Variants in POTEE observed in about 807,000 individuals in gnomAD.
POTEE encodes POTE ankyrin domain family member E.
A neutral mutation model predicts 74.2 loss-of-function variants in POTEE; 21 were observed. The observed-to-expected ratio is 0.28, with a 90% CI of 0.20 to 0.41. POTEE has a LOEUF of 0.41. Among genes scored for constraint, POTEE ranks in the 10% least tolerant of loss-of-function variants. The pLI, the probability that POTEE is intolerant of heterozygous loss-of-function variation, is 1.00. For missense variants in POTEE, 525 were observed against 1,158.6 expected (o/e 0.45, Z 7.94); for synonymous variants, 211 against 432.8 (o/e 0.49, Z 6.36).
intron 2 of POTEE, among the ~76,000 whole-genome samples, chr2:131,214,761 AGTGCTTTAAT>A (rs1288383459): frequency 6.6e-6 from 1 of 152,272 alleles, no homozygotes; most frequent in African/African-American, 2.4e-5. Context: ...AAGTTTTAGA[AGTGCTTTAAT>A]GTCATAAATT....
intron 9 of POTEE, among the ~76,000 whole-genome samples, chr2:131,233,900 G>A (rs1185796102): frequency 6.6e-6 from 1 of 150,504 alleles, no homozygotes; most frequent in Non-Finnish European, 1.5e-5. Context: ...AAATTTTCTG[G>A]TGAATACAGA....
In POTEE at chr2:131,263,941, C is replaced by A; in HGVS notation, c.2486C>A (p.Thr829Asn). 4.3e-6 allele frequency: 7 copies of A among 1,614,234 alleles called. No homozygotes were observed. Among genetic ancestry groups the A allele is most frequent in the Non-Finnish European group, 5.9e-6 (7 of 1,180,042 alleles). ...CAGATCATGTTTGAGACCTTCAACA[C>A]CCCAGCCATGTACGTGGCCATCCAG... ...MTQIMFETFN[T>N]PAMYVAIQAV... Residue 829 changes from threonine to asparagine, a missense_variant, in exon 18 of 18, where the codon ACC (threonine) becomes AAC (asparagine). By Grantham distance (65) the Thr-to-Asn change is moderately conservative. Coordinates refer to ENST00000683005, the MANE Select transcript of POTEE (RefSeq NM_001083538.3).
intron 9 of POTEE, among the ~76,000 whole-genome samples, chr2:131,233,236 T>C (rs140051807): frequency 6.6e-6 from 1 of 151,750 alleles, no homozygotes; most frequent in Non-Finnish European, 1.5e-5. Flanking sequence ...AAATGGCCAG[T>C]TGGGCAATAT....
At chr2:131,236,128 A>G (rs1433209924) in intron 9 of POTEE, among the ~76,000 whole-genome samples, 5 of 152,180 alleles carry the variant, frequency 3.3e-5, no homozygotes, top group Non-Finnish European at 5.9e-5. Flanking sequence ...CAACCTCAGC[A>G]TAGCTTATGA....
chr2:131,228,800 C>A (rs2579496), intron 8 of POTEE, among the ~76,000 whole-genome samples: 1 of 146,134 alleles, frequency 6.8e-6, no homozygotes, highest in Non-Finnish European at 1.5e-5. Flanking sequence ...CGAAGGAGTT[C>A]ACTAAATCCA....
chr2:131,218,304 A>C lies in POTEE; in HGVS notation c.-93-6A>C. 6.3e-7 allele frequency: 1 copy of C among 1,584,840 alleles called. No homozygotes were observed. Among genetic ancestry groups the C allele is most frequent in the Non-Finnish European group, 8.6e-7 (1 of 1,165,872 alleles). On this transcript the variant is annotated splice_region_variant and splice_polypyrimidine_tract_variant and intron_variant, in intron 3 of 17. Transcript: ENST00000683005. ...TTGGCTGGGATTGACATTTCTCTTC[A>C]AACAGATTGGAAACCCGGAGTTACC...
chr2:131,231,578 A>G (rs1274704524), intron 9 of POTEE, among the ~76,000 whole-genome samples: 1 of 152,122 alleles, frequency 6.6e-6, no homozygotes, highest in Non-Finnish European at 1.5e-5. Flanking sequence ...TCTCACTATT[A>G]CTGACTTCAT....
intron 2 of POTEE, among the ~76,000 whole-genome samples, chr2:131,214,263 A>G (rs537157286): frequency 1.4e-3 from 213 of 152,368 alleles, no homozygotes; most frequent in Non-Finnish European, 3.7e-4. Flanking sequence ...TTTGGTTTGG[A>G]TGGGCATCAG....
At chr2:131,246,022 G>A (rs889405754) in intron 13 of POTEE, among the ~76,000 whole-genome samples, 1 of 139,310 alleles carries the variant, frequency 7.2e-6, no homozygotes, top group Non-Finnish European at 1.5e-5. Flanking sequence ...TGGCCGGGGA[G>A]TTGTGGAGCC....
At chr2:131,221,243 C>G (rs965382311) in intron 4 of POTEE, among the ~76,000 whole-genome samples, 1 of 151,912 alleles carries the variant, frequency 6.6e-6, no homozygotes, top group Non-Finnish European at 1.5e-5. Flanking sequence ...ATTTCATGGA[C>G]AAATTTCAGT....
At chr2:131,233,724 C>G (rs1264363897) in intron 9 of POTEE, among the ~76,000 whole-genome samples, 1 of 150,246 alleles carries the variant, frequency 6.7e-6, no homozygotes, top group African/African-American at 2.5e-5. Flanking sequence ...TGTTTGTGTT[C>G]CCAGTGGCAG....
At chr2:131,221,952 C>G (rs1346567427) in intron 4 of POTEE, among the ~76,000 whole-genome samples, 12 of 152,382 alleles carry the variant, frequency 7.9e-5, no homozygotes, top group African/African-American at 2.4e-4. Context: ...CAGGCATATT[C>G]TACTATCTCT....
At chr2:131,222,575 GA>G (rs1700656436) in intron 4 of POTEE, among the ~76,000 whole-genome samples, 1 of 151,868 alleles carries the variant, frequency 6.6e-6, no homozygotes, top group South Asian at 2.1e-4. Context: ...TGTAACAGTT[GA>G]AAAAAGCTCC....
chr2:131,233,299 T>C (rs1701021230), intron 9 of POTEE, among the ~76,000 whole-genome samples: 3 of 151,978 alleles, frequency 2.0e-5, no homozygotes, highest in Middle Eastern at 3.4e-3. Context: ...TTGTCTGCTG[T>C]TGTAGTGTGA....
intron 10 of POTEE, among the ~76,000 whole-genome samples, chr2:131,237,452 T>G (rs1381813740): frequency 6.6e-6 from 1 of 151,228 alleles, no homozygotes; most frequent in Non-Finnish European, 1.5e-5. Context: ...AATCATATCT[T>G]GCAGAATGGA....
At chr2:131,256,799 AG>A (rs1701585339) in intron 16 of POTEE, among the ~76,000 whole-genome samples, 1 of 149,820 alleles carries the variant, frequency 6.7e-6, no homozygotes, top group African/African-American at 2.4e-5. Context: ...GAGAAAATGA[AG>A]AAAATGAAAA....
In POTEE at chr2:131,223,965, C is replaced by T; in HGVS notation, c.732C>T (p.His244=). ...IPDEYGNTTL[H]YAIYNEDKLM... ...ATGAGTATGGAAATACCACTCTGCA[C>T]TACGCTATCTATAATGAAGATAAAT... The change falls in exon 6 of 18, where the codon CAC becomes CAT. Residue 244 remains histidine, a synonymous_variant. Transcript: ENST00000683005. 1.3e-6 allele frequency: 2 copies of T among 1,513,574 alleles called. No individual in the cohort carries two copies. Among genetic ancestry groups the T allele is most frequent in the Middle Eastern group, 4.8e-4 (2 of 4,150 alleles). The allele number at this position is 1,513,574 out of a possible 1,614,324, so 93.8% of individuals were successfully genotyped here.
intron 3 of POTEE, among the ~76,000 whole-genome samples, 78 bp downstream of exon 3, chr2:131,217,761 C>CGCACGCGCACGCCGCACG (rs1553474668): frequency 9.4e-4 from 12 of 12,712 alleles, no homozygotes; most frequent in Admixed American, 2.0e-3. Context: ...ACGCCGCACG[C>CGCACGCGCACGCCGCACG]CGCACGCGCA....
intron 7 of POTEE, among the ~76,000 whole-genome samples, 184 bp downstream of exon 7, chr2:131,227,113 ATCT>A (rs1280847015): frequency 4.1e-5 from 6 of 146,846 alleles, no homozygotes; most frequent in Non-Finnish European, 5.9e-5. Flanking sequence ...AGTAGGATTC[ATCT>A]TCTCTTATTA....
Sources: allele counts gnomAD v4.1 joint callset (sites outside exome capture counted in the v4.1 genomes callset), GRCh38; gene constraint gnomAD v4.1.1; transcripts MANE v1.5; gene names NCBI Gene and HGNC (gene_info 2026-07-23, HGNC 2026-07-21).